The following PHACTR3 variants were observed in gnomAD, a reference collection of about 807,000 sequenced individuals.
PHACTR3 encodes the protein protein phosphatase 1, regulatory subunit 123.
A neutral mutation model predicts 66.8 loss-of-function variants in PHACTR3; 16 were observed. The ratio of observed to expected loss-of-function variants is 0.24; its 90% CI spans 0.16 to 0.36. PHACTR3 has a LOEUF of 0.36. Among genes scored for constraint, PHACTR3 ranks in the 10% least tolerant of loss-of-function variants. The pLI is 1.00. For missense variants in PHACTR3, 647 were observed against 719.9 expected, an observed-to-expected ratio of 0.90 and a Z score of 1.16; for synonymous variants, 323 against 292.1, an observed-to-expected ratio of 1.11 and a Z score of -1.08.
chr20:59,814,111 C>T (rs1255740903), intron 8 of PHACTR3, among the ~76,000 whole-genome samples: 1 of 152,220 alleles, frequency 6.6e-6, no homozygotes, highest in Non-Finnish European at 1.5e-5. Flanking sequence ...CCTGGCTCTC[C>T]CGAGAAGCAG....
intron 9 of PHACTR3, among the ~76,000 whole-genome samples, chr20:59,837,564 T>G (rs2058988430): frequency 6.6e-6 from 1 of 152,178 alleles, no homozygotes; most frequent in South Asian, 2.1e-4. Flanking sequence ...TTTTTAAACT[T>G]AAGATATAGT....
rs1379276019 is a variant in PHACTR3, at chr20:59,723,727, T to C, written c.119-19380T>C. Among the ~76,000 whole-genome samples the C allele has an allele frequency of 2.0e-5, 3 of 151,942 alleles. No individual in the cohort carries two copies. In the South Asian group the frequency reaches 6.3e-4, roughly 32 times the overall value. ...TCTACTGAGGAGTCGAATGGTCATA[T>C]GGCGACTCGGTCTTTGGGCAATGGT... On this transcript the variant is annotated intron_variant, in intron 1 of 12. Transcript: ENST00000371015.
chr20:59,703,704 A>AGTGTGT (rs11474250), intron 1 of PHACTR3, among the ~76,000 whole-genome samples: 9 of 151,084 alleles, frequency 6.0e-5, no homozygotes, highest in African/African-American at 1.9e-4. Context: ...TGTGTGTGTG[A>AGTGTGT]GTGTGTGTGT....
At position 59,774,429 on chromosome 20, in the gene PHACTR3, A is replaced by T. The variant is rs936302046; in HGVS notation, c.1113A>T (p.Glu371Asp). Residue 371 changes from glutamate to aspartate, a missense_variant, in exon 7 of 13, where the codon GAA (glutamate) becomes GAT (aspartate). Transcript: ENST00000371015. Reference protein sequence around the residue: ...ENKENLIINSELKDDLLLYQD... With the variant: ...ENKENLIINSDLKDDLLLYQD... ...AGGAGAACCTGATCATAAATTCTGA[A>T]CTCAAAGACGACTTGCTTTTGTATC... 1.2e-6 allele frequency: 2 copies of T among 1,613,866 alleles called. No homozygotes were observed. Among genetic ancestry groups the T allele is most frequent in the Non-Finnish European group, 1.7e-6 (2 of 1,179,934 alleles).
intron 9 of PHACTR3, 82 bp downstream of exon 9, chr20:59,836,642 G>C: frequency 1.5e-6 from 2 of 1,370,366 alleles, no homozygotes; most frequent in Non-Finnish European, 2.0e-6. Flanking sequence ...CCATAACCCA[G>C]CCCTTCTCTG....
In PHACTR3 at chr20:59,830,763, T is replaced by C. The variant is rs1220692531; in HGVS notation, c.1329-5742T>C. Among the ~76,000 whole-genome samples the C allele has an allele frequency of 6.6e-6, 1 of 152,156 alleles. No individual in the cohort carries two copies. The highest frequency in any genetic ancestry group is 1.5e-5 in the Non-Finnish European group (1 of 68,016). On this transcript the variant is annotated intron_variant, in intron 8 of 12. Transcript: ENST00000371015. This position sits in a 1 kb window ranked among gnomAD's most constrained non-coding sequence, Gnocchi z 5.8. ...CCCTGTGGGTTTTGTTGGCAGGTGTTCACCTGGGGAATCAGAGGCTCAAGT... is the reference window on the plus strand; with the variant it reads ...CCCTGTGGGTTTTGTTGGCAGGTGTCCACCTGGGGAATCAGAGGCTCAAGT...
intron 4 of PHACTR3, among the ~76,000 whole-genome samples, chr20:59,763,362 T>G (rs1006766246): frequency 1.3e-5 from 2 of 152,246 alleles, no homozygotes; most frequent in African/African-American, 4.8e-5. Context: ...GGCAGTTATT[T>G]TTAGCAGTGT....
chr20:59,773,333 G>T lies in PHACTR3; in HGVS notation c.806G>T (p.Arg269Leu). 6.2e-7 allele frequency: 1 copy of T among 1,614,132 alleles called. No homozygotes were observed. The highest frequency in any genetic ancestry group is 8.5e-7 in the Non-Finnish European group (1 of 1,180,024). The part of the protein sequence containing the change: ...SSMKSADPSL[R>L]GQLSTPTGSP... ...ATGAAGAGTGCCGACCCTTCCCTCC[G>T]GGGCCAGCTCTCCACACCCACGGGG... The change falls in exon 6 of 13, where the codon CGG (arginine) becomes CTG (leucine). Residue 269 changes from arginine (R) to leucine (L), a missense_variant. By Grantham distance (102) the Arg-to-Leu change is moderately radical. Transcript: ENST00000371015.
At chr20:59,580,256 G>A (rs1377594910) in intron 1 of PHACTR3, among the ~76,000 whole-genome samples, 2 of 152,138 alleles carry the variant, frequency 1.3e-5, no homozygotes, top group Admixed American at 1.3e-4. Flanking sequence ...ACCCAAGGAA[G>A]AACCAGGCTG....
intron 1 of PHACTR3, among the ~76,000 whole-genome samples, chr20:59,633,508 G>A (rs897321474): frequency 6.6e-6 from 1 of 152,166 alleles, no homozygotes; most frequent in Non-Finnish European, 1.5e-5. Context: ...TTGAGTGGTG[G>A]GGGTGAGGGG....
intron 8 of PHACTR3, among the ~76,000 whole-genome samples, chr20:59,821,432 G>A (rs992912924): frequency 3.1e-4 from 47 of 152,146 alleles, no homozygotes; most frequent in Admixed American, 2.6e-4. Flanking sequence ...AGTCCCAAAG[G>A]GGCATACATC....
At chr20:59,671,957 GT>G in intron 1 of PHACTR3, among the ~76,000 whole-genome samples, 1 of 152,380 alleles carries the variant, frequency 6.6e-6, no homozygotes, top group South Asian at 2.1e-4. Flanking sequence ...CATGAGGAAT[GT>G]GCTGAAAGGG....
At chr20:59,818,396 A>T (rs1161974059) in intron 8 of PHACTR3, among the ~76,000 whole-genome samples, 1 of 152,232 alleles carries the variant, frequency 6.6e-6, no homozygotes, top group African/African-American at 2.4e-5. Flanking sequence ...AAGAAATCTG[A>T]GTTCCATGAG....
chr20:59,838,630 G>A (rs1357002256), intron 9 of PHACTR3, among the ~76,000 whole-genome samples: 2 of 152,202 alleles, frequency 1.3e-5, no homozygotes, highest in African/African-American at 4.8e-5. Flanking sequence ...GAAAAGGATA[G>A]CACTAGAGTT....
At chr20:59,696,765 T>A (rs1392844141) in intron 1 of PHACTR3, among the ~76,000 whole-genome samples, 6 of 152,164 alleles carry the variant, frequency 3.9e-5, no homozygotes, top group Non-Finnish European at 8.8e-5. Context: ...TTTGACCATT[T>A]GAGGCTGATG....
At chr20:59,684,445 A>G (rs530889088) in intron 1 of PHACTR3, among the ~76,000 whole-genome samples, 1 of 152,074 alleles carries the variant, frequency 6.6e-6, no homozygotes, top group Non-Finnish European at 1.5e-5. Flanking sequence ...GCCTTTGCAG[A>G]ACCTTCTCTT....
rs546903943 is a variant in PHACTR3, at chr20:59,588,655, C to G, written c.109+11038C>G. On this transcript the variant is annotated intron_variant, in intron 1 of 12. Transcript: ENST00000359926. ...CCCGGTACTGCCCCACCCCTCACCC[C>G]TGGCTGCTTCTCAGCCCCTCCAGCT... Among the ~76,000 whole-genome samples, 198 of 152,358 alleles carry G rather than the reference C, an allele frequency of 1.3e-3. 1 individual carries two copies. The highest frequency in any genetic ancestry group is 4.5e-3 in the African/African-American group (186 of 41,580).
At chr20:59,761,032 A>G (rs553470075) in intron 4 of PHACTR3, among the ~76,000 whole-genome samples, 28 of 152,190 alleles carry the variant, frequency 1.8e-4, no homozygotes, top group African/African-American at 6.5e-4. Context: ...ATAACAGTCT[A>G]CAGCCTAAAC....
Position 59,766,788 on chromosome 20 carries a change from G to C in PHACTR3, c.542-398G>C, listed in dbSNP as rs6027086. ...TGTGAGGGACTATTGTTAACACAAT[G>C]CCATGCATGAGTAAATGGAGTTTTG... is the stretch of plus-strand genomic sequence containing the variant. On this transcript the variant is annotated intron_variant, in intron 4 of 12. Transcript: ENST00000371015. Among the ~76,000 whole-genome samples, 1,443 of 152,324 alleles carry C rather than the reference G, an allele frequency of 9.5e-3. 25 individuals are homozygous for C. Among genetic ancestry groups the C allele is most frequent in the African/African-American group, 0.033 (1,382 of 41,552 alleles).
Sources: allele counts gnomAD v4.1 joint callset (sites outside exome capture counted in the v4.1 genomes callset), GRCh38; gene constraint gnomAD v4.1.1; non-coding constraint Gnocchi (gnomAD v3.1); transcripts MANE v1.5; gene names NCBI Gene and HGNC (gene_info 2026-07-23, HGNC 2026-07-21).